Variants in ANKRD18B observed in about 807,000 individuals in gnomAD.
ANKRD18B encodes ankyrin repeat domain 18B, also known as ankyrin repeat domain-containing protein 18B.
A neutral mutation model predicts 111.8 loss-of-function variants in ANKRD18B; 75 were observed. The ratio of observed to expected loss-of-function variants is 0.67; its 90% CI spans 0.56 to 0.81. ANKRD18B has a LOEUF of 0.81. Among genes scored for constraint, ANKRD18B ranks in the 40% least tolerant of loss-of-function variants. The pLI is 0.00. For synonymous variants in ANKRD18B, 356 were observed against 417.3 expected, an observed-to-expected ratio of 0.85 and a Z score of 1.79; for missense variants, 1,038 against 1,225.5, an observed-to-expected ratio of 0.85 and a Z score of 2.28.
intron 11 of ANKRD18B, among the ~76,000 whole-genome samples, chr9:33,549,110 T>C (rs1828411112): frequency 6.6e-6 from 1 of 152,132 alleles, no homozygotes; most frequent in Non-Finnish European, 1.5e-5. Flanking sequence ...GTGATGAAAA[T>C]GTTCTAAAGT....
chr9:33,565,828 C>T (rs1170764306), intron 14 of ANKRD18B, among the ~76,000 whole-genome samples: 2 of 151,922 alleles, frequency 1.3e-5, no homozygotes, highest in Non-Finnish European at 2.9e-5. Flanking sequence ...TTGACTTTGG[C>T]CTAAATAACT....
intron 1 of ANKRD18B, among the ~76,000 whole-genome samples, chr9:33,527,908 T>C (rs1828049728): frequency 6.6e-6 from 1 of 152,248 alleles, no homozygotes. Flanking sequence ...ATATGAGATA[T>C]GCTAAAATGT....
intron 14 of ANKRD18B, among the ~76,000 whole-genome samples, chr9:33,564,900 A>AG (rs1828663255): frequency 6.6e-6 from 1 of 152,062 alleles, no homozygotes; most frequent in African/African-American, 2.4e-5. Context: ...TTTTGAACTC[A>AG]GATTATTTTT....
In ANKRD18B at chr9:33,542,912, T is replaced by G. The variant is rs115636462; in HGVS notation, c.1079-273T>G. On this transcript the variant is annotated intron_variant, in intron 9 of 18. Transcript: ENST00000684830. ...TTAAATTTTGGTTTGTTTCCAGCAGTTTTTTTTTTATATTGGGTGGAATAA... is the reference window on the plus strand; with the variant it reads ...TTAAATTTTGGTTTGTTTCCAGCAGGTTTTTTTTTATATTGGGTGGAATAA... 0.01 allele frequency among the ~76,000 whole-genome samples: 1,488 copies of G among 147,432 alleles called. 26 individuals carry two copies. Among genetic ancestry groups the G allele is most frequent in the African/African-American group, 0.034 (1,384 of 40,712 alleles).
At chr9:33,563,453 C>T (rs927420723) in intron 14 of ANKRD18B, among the ~76,000 whole-genome samples, 12 of 151,832 alleles carry the variant, frequency 7.9e-5, no homozygotes, top group South Asian at 2.1e-4. Context: ...GCATGAACAC[C>T]GACACTGGCA....
At chr9:33,555,524 C>CT (rs986135467) in intron 12 of ANKRD18B, among the ~76,000 whole-genome samples, 184 bp from the exon 13 acceptor site, 5 of 152,048 alleles carry the variant, frequency 3.3e-5, no homozygotes, top group Admixed American at 6.6e-5. Flanking sequence ...AAGTGTGAAT[C>CT]TTTTTTAGCT....
intron 12 of ANKRD18B, among the ~76,000 whole-genome samples, chr9:33,551,937 G>C (rs10971559): frequency 0.04 from 6,113 of 152,236 alleles, 136 homozygotes; most frequent in East Asian, 0.061. Flanking sequence ...CTCAGCACTT[G>C]TTGCCCAGTC....
In ANKRD18B at chr9:33,567,329, A is replaced by G. The variant is rs1828701954; in HGVS notation, c.2954+15A>G. 2 of 1,528,706 alleles carry G rather than the reference A, an allele frequency of 1.3e-6. No individual in the cohort carries two copies. Among genetic ancestry groups the G allele is most frequent in the Non-Finnish European group, 1.8e-6 (2 of 1,139,384 alleles). The allele number at this position is 1,528,706 out of a possible 1,614,324, so 94.7% of individuals were successfully genotyped here. ...AAAATAACGAAGTAAGTCAAAACAT[A>G]TACTCATAGAAAATGAATTAAACTC... On this transcript the variant is annotated intron_variant, in intron 16 of 18. Transcript: ENST00000684830.
chr9:33,529,515 T>G (rs1372781509), intron 3 of ANKRD18B, among the ~76,000 whole-genome samples: 1 of 152,170 alleles, frequency 6.6e-6, no homozygotes, highest in Non-Finnish European at 1.5e-5. Flanking sequence ...AACTCAAAAC[T>G]AAAGCAACTT....
chr9:33,562,844 A>G (rs895935187), intron 14 of ANKRD18B, among the ~76,000 whole-genome samples: 14 of 152,230 alleles, frequency 9.2e-5, no homozygotes, highest in Non-Finnish European at 2.1e-4. Flanking sequence ...TGAAAATCGA[A>G]TACTAGATTG....
At chr9:33,556,551 A>G (rs1828530118) in intron 13 of ANKRD18B, among the ~76,000 whole-genome samples, 1 of 152,190 alleles carries the variant, frequency 6.6e-6, no homozygotes, top group Admixed American at 6.5e-5. Flanking sequence ...GCGCTTAGCA[A>G]TGTATTCTTT....
chr9:33,568,703 A>G lies in ANKRD18B; in HGVS notation c.2987A>G (p.Lys996Arg). 1 of 1,550,726 alleles carries G rather than the reference A, an allele frequency of 6.4e-7. No individual in the cohort carries two copies. ...AAGAAAATAGCTGTGATCAGCACCA[A>G]GCTCTTTATGGAGAAAGAGCGGATG... ...SDKKIAVIST[K>R]LFMEKERMEY... Residue 996 changes from lysine (K) to arginine (R), a missense_variant, in exon 17 of 19, where the codon AAG becomes AGG. Around this residue, in one of 4 missense-constraint regions of ANKRD18B, gnomAD observed 524 missense variants for 677.9 expected, o/e 0.77. Transcript: ENST00000684830.
chr9:33,541,671 C>A (rs1828281190), intron 9 of ANKRD18B, among the ~76,000 whole-genome samples: 1 of 152,116 alleles, frequency 6.6e-6, no homozygotes, highest in Admixed American at 6.6e-5. Flanking sequence ...ATACTGTAGC[C>A]TGGGTGGCAG....
intron 1 of ANKRD18B, among the ~76,000 whole-genome samples, chr9:33,524,936 G>A (rs1362489178): frequency 6.6e-6 from 1 of 152,256 alleles, no homozygotes; most frequent in Non-Finnish European, 1.5e-5. Context: ...ATGATAGGGA[G>A]GTGCCTAATG....
intron 12 of ANKRD18B, among the ~76,000 whole-genome samples, chr9:33,553,016 A>T (rs1828469439): frequency 6.6e-6 from 1 of 151,522 alleles, no homozygotes; most frequent in African/African-American, 2.4e-5. Context: ...TAGATCTGGG[A>T]TTCAGACCCA....
intron 11 of ANKRD18B, among the ~76,000 whole-genome samples, chr9:33,549,619 C>CTTATATGTA (rs1465318221): frequency 3.9e-5 from 6 of 152,070 alleles, no homozygotes; most frequent in Non-Finnish European, 8.8e-5. Flanking sequence ...GTGGCTCTCT[C>CTTATATGTA]TTATATGTAT....
Position 33,524,681 on chromosome 9 carries a change from C to T in ANKRD18B, c.192C>T (p.Arg64=), listed in dbSNP as rs1389037738. 1.3e-6 allele frequency: 2 copies of T among 1,550,034 alleles called. No individual in the cohort carries two copies. Among genetic ancestry groups the T allele is most frequent in the South Asian group, 2.4e-5 (2 of 83,906 alleles). The change falls in exon 1 of 19, where the codon CGC becomes CGT. Residue 64 remains arginine (R), a synonymous_variant. Transcript: ENST00000684830. ...LTRRFRDLDV[R]DRKDRTVLHL... is the part of the protein sequence containing the mutation. ...GCAGGTTCCGGGACTTGGACGTCCG[C>T]GACAGAAAAGACAGGTAGCGGGGGC...
chr9:33,568,773 A>G lies in ANKRD18B; in HGVS notation c.3057A>G (p.Leu1019=), dbSNP rs755743273. The change falls in exon 17 of 19, where the codon TTA becomes TTG. Residue 1019 remains leucine, a synonymous_variant. Coordinates refer to ENST00000684830, the MANE Select transcript of ANKRD18B (RefSeq NM_001393611.1). ...TTCCTATGAGGCCAGACCCAGAGTT[A>G]CCTTGTGTTGAAAATCTTAATAGTA... The part of the protein sequence containing the change: ...STLPMRPDPE[L]PCVENLNSIE... 1.3e-6 allele frequency: 2 copies of G among 1,551,442 alleles called. No homozygotes were observed. The highest frequency in any genetic ancestry group is 2.4e-5 in the South Asian group (2 of 84,034).
chr9:33,529,252 A>C, intron 3 of ANKRD18B, 79 bp downstream of exon 3: 1 of 1,464,870 alleles, frequency 6.8e-7, no homozygotes, highest in South Asian at 1.4e-5. Context: ...CATATTTGGA[A>C]CTCAAGTATT....
Sources: allele counts gnomAD v4.1 joint callset (sites outside exome capture counted in the v4.1 genomes callset), GRCh38; gene constraint gnomAD v4.1.1; regional missense constraint gnomAD v4.1.1; transcripts MANE v1.5; gene names NCBI Gene and HGNC (gene_info 2026-07-23, HGNC 2026-07-21).